CDK19: variants seen among roughly 807,000 people sequenced by gnomAD.
CDK19 encodes the protein cyclin-dependent kinase 19.
CDK19 carries 20 observed loss-of-function variants against 68.3 expected under a neutral mutation model. The ratio of observed to expected loss-of-function variants is 0.29; its 90% CI spans 0.21 to 0.43. CDK19 has a LOEUF of 0.43. Ranked by LOEUF, CDK19 falls within the 20% of genes least tolerant of loss-of-function variation. CDK19 has a pLI of 1.00. For missense variants in CDK19, 339 were observed against 623.5 expected (o/e 0.54, Z 4.86); for synonymous variants, 221 against 222.8 (o/e 0.99, Z 0.07).
At position 110,614,105 on chromosome 6, in the gene CDK19, TA is replaced by T. The variant is rs1778162825; in HGVS notation, c.*429del. On this transcript the variant is annotated 3_prime_UTR_variant, in exon 13 of 13. Coordinates refer to ENST00000368911, the MANE Select transcript of CDK19 (RefSeq NM_015076.5). The stretch of plus-strand genomic sequence containing the variant: ...AAAGGTGCATTTTTACCTGTGTTGC[TA>T]AATCAGTTCATGAAGTATAAAACTA... 8 of 154,822 alleles carry T rather than the reference TA, an allele frequency of 5.2e-5. No homozygotes were observed. In the South Asian group the frequency reaches 1.6e-3, roughly 32 times the overall value. The allele number at this position is 154,822 out of a possible 1,614,324, so 9.6% of individuals were successfully genotyped here. A position where few individuals can be genotyped will look rare whatever the true frequency, so the allele number is the denominator to read the frequency against.
At chr6:110,725,700 A>G (rs555986878) in intron 2 of CDK19, among the ~76,000 whole-genome samples, 31 of 152,330 alleles carry the variant, frequency 2.0e-4, no homozygotes, top group African/African-American at 5.5e-4. Context: ...ACAGACAATA[A>G]GCACCTTTAA....
At position 110,783,044 on chromosome 6, in the gene CDK19, G is replaced by A. The variant is rs997377166; in HGVS notation, c.128+31965C>T. Among the ~76,000 whole-genome samples the A allele has an allele frequency of 9.9e-5, 15 of 152,192 alleles. No individual in the cohort carries two copies. In the South Asian group the frequency reaches 1.0e-3, roughly 11 times the overall value. On this transcript the variant is annotated intron_variant, in intron 1 of 12. Coordinates refer to ENST00000368911, the MANE Select transcript of CDK19 (RefSeq NM_015076.5). Reference sequence around the variant, plus strand: ...GCAGCACACTATTCCTACAGTCTGCGGCCTACAGTCCCACCATTATACCAA... The same window carrying A: ...GCAGCACACTATTCCTACAGTCTGCAGCCTACAGTCCCACCATTATACCAA...
At chr6:110,670,673 A>T in intron 2 of CDK19, 132 bp from the exon 3 acceptor site, 1 of 664,646 alleles carries the variant, frequency 1.5e-6, no homozygotes, top group Non-Finnish European at 2.7e-6. Flanking sequence ...AGAAAAAAAT[A>T]CCACCCAAAA....
rs146504872 is a variant in CDK19, at chr6:110,772,374, C to T, written c.129-26173G>A. On this transcript the variant is annotated intron_variant, in intron 1 of 12. Transcript: ENST00000368911. Reference sequence around the variant, plus strand: ...ACCATGAGAGCAGTAGGGGGGAAACCGCCCCCTTAATTCAAATTATCTCCC... The same window carrying T: ...ACCATGAGAGCAGTAGGGGGGAAACTGCCCCCTTAATTCAAATTATCTCCC... 2.0e-3 allele frequency among the ~76,000 whole-genome samples: 307 copies of T among 152,048 alleles called. 6 individuals carry two copies. In the East Asian group the frequency reaches 0.047, roughly 23 times the overall value.
chr6:110,645,833 G>A, intron 4 of CDK19: 1 of 611,206 alleles, frequency 1.6e-6, no homozygotes, highest in Non-Finnish European at 3.0e-6. Context: ...CGCACGACGC[G>A]CCGCGCTTCC....
chr6:110,730,806 C>A (rs534126864), intron 2 of CDK19, among the ~76,000 whole-genome samples: 2 of 152,168 alleles, frequency 1.3e-5, no homozygotes, highest in African/African-American at 2.4e-5. Flanking sequence ...AATCCCAGCA[C>A]TTTGGGAGGC....
At position 110,621,484 on chromosome 6, in the gene CDK19, G is replaced by T; in HGVS notation, c.1111-114C>A. Reference sequence around the variant, plus strand: ...CAACCTGGGGGAGCAATCTATGTGGGACACTAGAGTGATGGGGAGGACTGG... The same window carrying T: ...CAACCTGGGGGAGCAATCTATGTGGTACACTAGAGTGATGGGGAGGACTGG... On this transcript the variant is annotated intron_variant, in intron 11 of 12. Coordinates refer to ENST00000368911, the MANE Select transcript of CDK19 (RefSeq NM_015076.5). The surrounding 1 kb of genome is among the most constrained non-coding windows in gnomAD (Gnocchi z 5.4). 2 of 1,003,228 alleles carry T rather than the reference G, an allele frequency of 2.0e-6. No homozygotes were observed. Among genetic ancestry groups the T allele is most frequent in the Non-Finnish European group, 2.9e-6 (2 of 680,948 alleles). The allele number at this position is 1,003,228 out of a possible 1,614,324, so 62.1% of individuals were successfully genotyped here. A position where few individuals can be genotyped will look rare whatever the true frequency, so the allele number is the denominator to read the frequency against.
At chr6:110,616,855 T>C (rs951960505) in intron 12 of CDK19, among the ~76,000 whole-genome samples, 3 of 152,222 alleles carry the variant, frequency 2.0e-5, no homozygotes, top group Non-Finnish European at 2.9e-5. Flanking sequence ...TAAAGTATAA[T>C]GTAAACATGT....
chr6:110,667,672 T>G (rs1397404711), intron 3 of CDK19, 98 bp from the exon 4 acceptor site: 4 of 582,784 alleles, frequency 6.9e-6, no homozygotes, highest in Non-Finnish European at 1.1e-5. Context: ...ATTTTAAAAT[T>G]ACTTATTAAA....
chr6:110,700,804 C>A, intron 2 of CDK19: 1 of 196,848 alleles, frequency 5.1e-6, no homozygotes, highest in African/African-American at 2.3e-5. Flanking sequence ...AAAAGTGACT[C>A]ACTGACTTGC....
intron 12 of CDK19, among the ~76,000 whole-genome samples, chr6:110,618,807 C>T (rs993950133): frequency 8.2e-6 from 1 of 122,680 alleles, no homozygotes; most frequent in Non-Finnish European, 1.6e-5. Flanking sequence ...CCAGCCCCTG[C>T]TCTTTGCAGA....
At chr6:110,646,535 C>A in intron 4 of CDK19, 1 of 1,230,258 alleles carries the variant, frequency 8.1e-7, no homozygotes, top group Non-Finnish European at 1.1e-6. Flanking sequence ...CCTCCACCTG[C>A]AACAGGTGCT....
intron 1 of CDK19, among the ~76,000 whole-genome samples, chr6:110,780,744 TGAAAGAA>T (rs1242863474): frequency 6.6e-6 from 1 of 152,016 alleles, no homozygotes. Flanking sequence ...ATGAGCTGCT[TGAAAGAA>T]GAATGTTCCA....
chr6:110,675,627 CAAAAAAAAA>C lies in CDK19; in HGVS notation c.205-5095_205-5087del, dbSNP rs57966061. The stretch of plus-strand genomic sequence containing the variant: ...GGGCAACAAGAATGAGACTCCATCT[CAAAAAAAAA>C]AAAAAAAAAAAAAGAATTATGCTAA... On this transcript the variant is annotated intron_variant, in intron 2 of 12. Coordinates refer to ENST00000368911, the MANE Select transcript of CDK19 (RefSeq NM_015076.5). Among the ~76,000 whole-genome samples, 347 of 56,544 alleles carry C rather than the reference CAAAAAAAAA, an allele frequency of 6.1e-3. 1 individual carries two copies. The highest frequency in any genetic ancestry group is 9.5e-3 in the Non-Finnish European group (278 of 29,118). The allele number at this position is 56,544 out of a possible 152,430, so 37.1% of individuals were successfully genotyped here. A position where few individuals can be genotyped will look rare whatever the true frequency, so the allele number is the denominator to read the frequency against.
At chr6:110,798,454 A>C (rs1325709761) in intron 1 of CDK19, among the ~76,000 whole-genome samples, 1 of 151,634 alleles carries the variant, frequency 6.6e-6, no homozygotes, top group East Asian at 1.9e-4. Context: ...GTGAAACCCC[A>C]TCTCTACTTA....
chr6:110,646,334 C>G (rs1780573462), intron 4 of CDK19: 1 of 1,471,606 alleles, frequency 6.8e-7, no homozygotes, highest in Non-Finnish European at 9.0e-7. Flanking sequence ...GGGCCCACGA[C>G]GGCATGCACT....
intron 2 of CDK19, among the ~76,000 whole-genome samples, chr6:110,734,179 T>C (rs1776995572): frequency 6.6e-6 from 1 of 152,044 alleles, no homozygotes; most frequent in Non-Finnish European, 1.5e-5. Context: ...CAGGCTAATT[T>C]TTGTATTTTT....
chr6:110,815,157 G>A lies in CDK19; in HGVS notation c.-21C>T. 1.3e-6 allele frequency: 2 copies of A among 1,567,900 alleles called. No individual in the cohort carries two copies. The highest frequency in any genetic ancestry group is 1.7e-6 in the Non-Finnish European group (2 of 1,158,814). ...TCCATTGTCTGCTTCCCCCATAGAG[G>A]CACGGGACGCGGGGGCCGCCGCCGC... On this transcript the variant is annotated 5_prime_UTR_variant, in exon 1 of 13. Coordinates refer to ENST00000368911, the MANE Select transcript of CDK19 (RefSeq NM_015076.5).
intron 2 of CDK19, among the ~76,000 whole-genome samples, chr6:110,678,200 T>C (rs767084166): frequency 5.9e-5 from 9 of 151,968 alleles, no homozygotes; most frequent in Non-Finnish European, 1.0e-4. Flanking sequence ...GCACAATGCC[T>C]GACACATTGA....
Sources: allele counts gnomAD v4.1 joint callset (sites outside exome capture counted in the v4.1 genomes callset), GRCh38; gene constraint gnomAD v4.1.1; non-coding constraint Gnocchi (gnomAD v3.1); transcripts MANE v1.5; gene names NCBI Gene and HGNC (gene_info 2026-07-23, HGNC 2026-07-21).